SHANK2: variants seen among roughly 807,000 people sequenced by gnomAD.
The protein encoded by SHANK2 is SH3 and multiple ankyrin repeat domains protein 2.
Under a neutral mutation model 133.7 loss-of-function variants are expected in SHANK2, and 43 were observed. That is an observed-to-expected ratio of 0.32 (90% CI 0.25 to 0.41). The LOEUF (loss-of-function observed/expected upper bound fraction) is 0.41, where lower values mean the gene tolerates loss of function less well. SHANK2 is among the 10% of genes least tolerant of loss of function. The pLI, the probability that SHANK2 is intolerant of heterozygous loss-of-function variation, is 1.00. For synonymous variants in SHANK2, 1,017 were observed against 952.8 expected (o/e 1.07, Z -1.24); for missense variants, 1,994 against 2,235.8 (o/e 0.89, Z 2.18).
chr11:71,199,083 A>AC (rs1295611428), intron 2 of SHANK2, among the ~76,000 whole-genome samples: 4 of 151,910 alleles, frequency 2.6e-5, no homozygotes, highest in African/African-American at 9.7e-5. Context: ...GGCATGAGGG[A>AC]CCCCCCAAGA....
intron 17 of SHANK2, among the ~76,000 whole-genome samples, chr11:70,515,802 A>C (rs1554969950): frequency 1.3e-5 from 2 of 152,094 alleles, no homozygotes; most frequent in African/African-American, 4.8e-5. Flanking sequence ...ACAGAGCGAG[A>C]CCTGTCTCAA....
intron 17 of SHANK2, among the ~76,000 whole-genome samples, chr11:70,595,147 G>C (rs1404859968): frequency 1.3e-5 from 2 of 152,148 alleles, no homozygotes; most frequent in Non-Finnish European, 2.9e-5. Flanking sequence ...CTCTGCCAGG[G>C]TACAAGAAAA....
At position 71,207,322 on chromosome 11, in the gene SHANK2, G is replaced by C. The variant is rs184767223; in HGVS notation, c.-13+17375C>G. Among the ~76,000 whole-genome samples, 146 of 152,042 alleles carry C rather than the reference G, an allele frequency of 9.6e-4. 1 individual carries two copies. The highest frequency in any genetic ancestry group is 3.4e-3 in the African/African-American group (139 of 41,460). ...AGCCTCCCGAATAGCTGGGATTATA[G>C]GCTTCCGCTACCACACCCAGCTAAT... On this transcript the variant is annotated intron_variant, in intron 2 of 25. Coordinates refer to ENST00000601538, the MANE Select transcript of SHANK2 (RefSeq NM_012309.5).
intron 4 of SHANK2, 138 bp from the exon 5 acceptor site, chr11:71,113,502 A>G (rs1951926110): frequency 2.7e-6 from 2 of 739,178 alleles, no homozygotes; most frequent in African/African-American, 1.7e-5. Flanking sequence ...TAAATAAATG[A>G]CTGGTATTTG....
chr11:71,218,579 T>A (rs1450956589), intron 2 of SHANK2, among the ~76,000 whole-genome samples: 1 of 152,096 alleles, frequency 6.6e-6, no homozygotes, highest in African/African-American at 2.4e-5. Context: ...ATTTTTAAAT[T>A]GAATCTGTGG....
chr11:70,560,642 T>G (rs905194970), intron 17 of SHANK2, among the ~76,000 whole-genome samples: 6 of 152,148 alleles, frequency 3.9e-5, no homozygotes, highest in South Asian at 2.1e-4. Flanking sequence ...TCGTTTGTTT[T>G]TTTTTTTGAG....
At chr11:70,543,030 G>A (rs1022435611) in intron 17 of SHANK2, among the ~76,000 whole-genome samples, 1 of 152,162 alleles carries the variant, frequency 6.6e-6, no homozygotes, top group Non-Finnish European at 1.5e-5. Flanking sequence ...GCATGCGCTG[G>A]GTGAGGAGGC....
intron 15 of SHANK2, among the ~76,000 whole-genome samples, chr11:70,674,532 A>G (rs1242783862): frequency 6.6e-6 from 1 of 152,174 alleles, no homozygotes; most frequent in African/African-American, 2.4e-5. Context: ...TATTTTTAGT[A>G]CAGACGGGGT....
rs367996118 is a variant in SHANK2, at chr11:70,602,768, ATTTAT to A, written c.2061+57055_2061+57059del. ...TACATAAAATGTTACATCCTCTGAA[ATTTAT>A]TTTATAGTATAAATTGTATAACATT... On this transcript the variant is annotated intron_variant, in intron 17 of 25. Transcript: ENST00000601538. Among the ~76,000 whole-genome samples the A allele has an allele frequency of 3.3e-5, 5 of 152,346 alleles. No individual in the cohort carries two copies. The South Asian group carries it at 1.0e-3, about 32-fold the overall frequency.
rs117372597 is a variant in SHANK2, at chr11:70,535,458, C to T, written c.2062-32527G>A. Among the ~76,000 whole-genome samples the T allele has an allele frequency of 0.016, 2,468 of 152,194 alleles. 41 individuals are homozygous for T. Among genetic ancestry groups the T allele is most frequent in the East Asian group, 0.1 (526 of 5,180 alleles). On this transcript the variant is annotated intron_variant, in intron 17 of 25. Coordinates refer to ENST00000601538, the MANE Select transcript of SHANK2 (RefSeq NM_012309.5). This position sits in a 1 kb window ranked among gnomAD's most constrained non-coding sequence, Gnocchi z 4.3. The stretch of plus-strand genomic sequence containing the variant: ...TGCCATCATCCATCAGTCCAACCAT[C>T]AGTCCGTCCGTCCATCCATCCATCC...
chr11:70,888,138 G>A (rs1355917357), intron 11 of SHANK2, among the ~76,000 whole-genome samples: 1 of 149,364 alleles, frequency 6.7e-6, no homozygotes, highest in African/African-American at 2.5e-5. Flanking sequence ...CCCCACCCAA[G>A]AGGCCAGGAA....
intron 17 of SHANK2, among the ~76,000 whole-genome samples, chr11:70,653,929 C>A (rs942481470): frequency 1.3e-5 from 2 of 152,210 alleles, no homozygotes; most frequent in Non-Finnish European, 2.9e-5. Context: ...CCACCACACC[C>A]GGCCTTATGA....
At chr11:71,142,637 A>G (rs1313908361) in intron 3 of SHANK2, among the ~76,000 whole-genome samples, 22 of 152,218 alleles carry the variant, frequency 1.4e-4, no homozygotes, top group African/African-American at 5.3e-4. Flanking sequence ...CCCTGAAATA[A>G]AGGATCCAAC....
In SHANK2 at chr11:70,575,180, G is replaced by A. The variant is rs528967659; in HGVS notation, c.2062-72249C>T. 3.2e-4 allele frequency among the ~76,000 whole-genome samples: 49 copies of A among 152,282 alleles called. No individual in the cohort carries two copies. In the South Asian group the frequency reaches 3.5e-3, roughly 11 times the overall value. On this transcript the variant is annotated intron_variant, in intron 17 of 25. Coordinates refer to ENST00000601538, the MANE Select transcript of SHANK2 (RefSeq NM_012309.5). The stretch of plus-strand genomic sequence containing the variant: ...GGGGTCCAGGCCAAGCCACCCAGGC[G>A]GGCAGCAGAGGAATGGTCACCCAAC...
intron 2 of SHANK2, among the ~76,000 whole-genome samples, chr11:71,177,089 G>C (rs1392408976): frequency 6.6e-6 from 1 of 152,008 alleles, no homozygotes; most frequent in Admixed American, 6.6e-5. Flanking sequence ...AGTCAAACTA[G>C]AATTCTATAA....
intron 15 of SHANK2, among the ~76,000 whole-genome samples, chr11:70,665,602 A>C (rs1944664916): frequency 6.6e-6 from 1 of 152,162 alleles, no homozygotes; most frequent in African/African-American, 2.4e-5. Flanking sequence ...TTCAGGATCT[A>C]AACAGCCCCC....
At position 70,830,800 on chromosome 11, in the gene SHANK2, G is replaced by A. The variant is rs1231908283; in HGVS notation, c.1175-10118C>T. 1.3e-5 allele frequency among the ~76,000 whole-genome samples: 2 copies of A among 152,194 alleles called. No individual in the cohort carries two copies. Among genetic ancestry groups the A allele is most frequent in the Non-Finnish European group, 2.9e-5 (2 of 68,026 alleles). On this transcript the variant is annotated intron_variant, in intron 11 of 25. Transcript: ENST00000601538. This position sits in a 1 kb window ranked among gnomAD's most constrained non-coding sequence, Gnocchi z 4.4. ...AGCAAGGCTGTCAGATGAGACAGACGAGGTTCAGAGAGGCTGAGCGCTAAG... is the reference window on the plus strand; with the variant it reads ...AGCAAGGCTGTCAGATGAGACAGACAAGGTTCAGAGAGGCTGAGCGCTAAG...
chr11:70,938,646 C>T (rs1555083833), intron 10 of SHANK2, among the ~76,000 whole-genome samples: 1 of 152,088 alleles, frequency 6.6e-6, no homozygotes, highest in Non-Finnish European at 1.5e-5. Context: ...GGCTTCTAGT[C>T]GAGGAGATGA....
chr11:70,643,322 G>A (rs1206757398), intron 17 of SHANK2, among the ~76,000 whole-genome samples: 4 of 152,162 alleles, frequency 2.6e-5, no homozygotes, highest in African/African-American at 9.7e-5. Flanking sequence ...CCAGCACTTT[G>A]GGAGGCCGAG....
Sources: allele counts gnomAD v4.1 joint callset (sites outside exome capture counted in the v4.1 genomes callset), GRCh38; gene constraint gnomAD v4.1.1; non-coding constraint Gnocchi (gnomAD v3.1); transcripts MANE v1.5; gene names NCBI Gene and HGNC (gene_info 2026-07-23, HGNC 2026-07-21).